Variants in RTF1 observed in about 807,000 individuals in gnomAD.
RTF1 encodes RTF1 homolog, Paf1/RNA polymerase II complex component, also known as RNA polymerase-associated protein RTF1 homolog.
RTF1 carries 10 observed loss-of-function variants against 95.7 expected under a neutral mutation model. That is an observed-to-expected ratio of 0.10 (90% CI 0.06 to 0.18). The LOEUF (loss-of-function observed/expected upper bound fraction) is 0.18, where lower values mean the gene tolerates loss of function less well. Ranked by LOEUF, RTF1 falls within the 10% of genes least tolerant of loss-of-function variation. RTF1 has a pLI of 1.00. For synonymous variants in RTF1, 305 were observed against 311.8 expected, an observed-to-expected ratio of 0.98 and a Z score of 0.23; for missense variants, 458 against 875.6, an observed-to-expected ratio of 0.52 and a Z score of 6.02.
intron 8 of RTF1, among the ~76,000 whole-genome samples, chr15:41,473,639 T>C (rs1312388695): frequency 6.6e-6 from 1 of 152,114 alleles, no homozygotes; most frequent in Non-Finnish European, 1.5e-5. Flanking sequence ...CAGAGCTCAT[T>C]GCAACCTTGA....
At chr15:41,453,719 TCAA>T (rs1257527456) in intron 3 of RTF1, among the ~76,000 whole-genome samples, 2 of 146,322 alleles carry the variant, frequency 1.4e-5, no homozygotes, top group African/African-American at 5.1e-5. Flanking sequence ...AGACCCTTTC[TCAA>T]CAACAACAAA....
intron 2 of RTF1, among the ~76,000 whole-genome samples, chr15:41,445,230 C>A (rs140228772): frequency 6.6e-6 from 1 of 152,130 alleles, no homozygotes; most frequent in African/African-American, 2.4e-5. Context: ...CCACTGCGCC[C>A]GGCCTCATGA....
At chr15:41,436,190 G>A (rs925953005) in intron 1 of RTF1, among the ~76,000 whole-genome samples, 3 of 150,764 alleles carry the variant, frequency 2.0e-5, no homozygotes, top group Admixed American at 6.7e-5. Flanking sequence ...AGTGGCTCAC[G>A]CCTGTAATCC....
chr15:41,456,301 A>G (rs180735354), intron 3 of RTF1, among the ~76,000 whole-genome samples: 1 of 151,038 alleles, frequency 6.6e-6, no homozygotes, highest in African/African-American at 2.4e-5. Flanking sequence ...CCTGGCTAAC[A>G]TGGTGAAACC....
chr15:41,445,779 G>A (rs1332903210), intron 2 of RTF1, among the ~76,000 whole-genome samples: 1 of 148,848 alleles, frequency 6.7e-6, no homozygotes, highest in Non-Finnish European at 1.5e-5. Flanking sequence ...TCTATCAAGA[G>A]GGCTGGAGTG....
chr15:41,446,811 T>A (rs117812573), intron 2 of RTF1, among the ~76,000 whole-genome samples: 3,582 of 151,812 alleles, frequency 0.024, 70 homozygotes, highest in Non-Finnish European at 0.037. Flanking sequence ...TTATTTTTTT[T>A]TTTTTTTTTG....
chr15:41,429,142 C>G (rs777332548), intron 1 of RTF1, among the ~76,000 whole-genome samples: 15 of 152,162 alleles, frequency 9.9e-5, no homozygotes, highest in Non-Finnish European at 2.1e-4. Flanking sequence ...ACCTTGGCCT[C>G]CCAAAGTACT....
Position 41,471,366 on chromosome 15 carries a change from T to C in RTF1, c.1203+17T>C, listed in dbSNP as rs75469130. The C allele has an allele frequency of 1.6e-3, 2,520 of 1,595,490 alleles. 37 individuals carry two copies. In the African/African-American group the frequency reaches 0.027, roughly 17 times the overall value. On this transcript the variant is annotated intron_variant, in intron 8 of 17. Coordinates refer to ENST00000389629, the MANE Select transcript of RTF1 (RefSeq NM_015138.5). ...GTTTACCGGGTTGGTATTTCTTCCC[T>C]TGGACAATTGTCCATGCTTTCAGTA...
intron 2 of RTF1, among the ~76,000 whole-genome samples, chr15:41,439,063 C>T (rs1296541987): frequency 6.9e-6 from 1 of 143,992 alleles, no homozygotes. Flanking sequence ...GACAGAGTCT[C>T]ACTCTGTCAC....
At chr15:41,435,066 T>G (rs1047663032) in intron 1 of RTF1, among the ~76,000 whole-genome samples, 1 of 151,996 alleles carries the variant, frequency 6.6e-6, no homozygotes, top group Non-Finnish European at 1.5e-5. Context: ...GTTCAAGCGA[T>G]TCTCCTGCCT....
chr15:41,417,641 T>C (rs1304685047), intron 1 of RTF1, among the ~76,000 whole-genome samples: 1 of 152,012 alleles, frequency 6.6e-6, no homozygotes, highest in Non-Finnish European at 1.5e-5. Flanking sequence ...GTCCAGGAGA[T>C]CCGGGCTGGG....
chr15:41,479,056 T>C (rs776108178), intron 15 of RTF1, 47 bp from the exon 16 acceptor site: 1 of 1,345,282 alleles, frequency 7.4e-7, no homozygotes. Flanking sequence ...GCAGTAGGAC[T>C]CTGTGAGTGT....
chr15:41,418,725 C>T (rs1203875838), intron 1 of RTF1, among the ~76,000 whole-genome samples: 1 of 145,338 alleles, frequency 6.9e-6, no homozygotes, highest in East Asian at 2.0e-4. Flanking sequence ...CAGGAGAATT[C>T]TTGAACCCGG....
intron 2 of RTF1, among the ~76,000 whole-genome samples, chr15:41,443,936 C>T (rs893501701): frequency 3.3e-5 from 5 of 151,494 alleles, no homozygotes; most frequent in African/African-American, 9.7e-5. Context: ...GGCGTGGTGG[C>T]GGGCGCCTGT....
chr15:41,456,206 G>T (rs2050814911), intron 3 of RTF1, among the ~76,000 whole-genome samples: 1 of 150,946 alleles, frequency 6.6e-6, no homozygotes, highest in Non-Finnish European at 1.5e-5. Flanking sequence ...AAAAAAAAAG[G>T]CTGGGCGCAG....
At chr15:41,464,923 A>C in intron 5 of RTF1, 38 bp downstream of exon 5, 1 of 1,487,178 alleles carries the variant, frequency 6.7e-7, no homozygotes, top group Non-Finnish European at 8.9e-7. Flanking sequence ...CAAAGAATAA[A>C]CCTGTTTTGA....
intron 2 of RTF1, among the ~76,000 whole-genome samples, chr15:41,444,786 A>C (rs1011471196): frequency 1.3e-5 from 2 of 152,142 alleles, no homozygotes; most frequent in Non-Finnish European, 2.9e-5. Context: ...CTTCTATAAC[A>C]CTTCCAACTT....
chr15:41,466,107 A>G, intron 5 of RTF1, 34 bp from the exon 6 acceptor site: 1 of 1,399,692 alleles, frequency 7.1e-7, no homozygotes, highest in East Asian at 2.5e-5. Context: ...GCTGTTGGTA[A>G]AAAGGGCCAT....
intron 4 of RTF1, among the ~76,000 whole-genome samples, chr15:41,463,749 T>A (rs138932551): frequency 6.6e-6 from 1 of 152,206 alleles, no homozygotes; most frequent in Admixed American, 6.5e-5. Context: ...CCCAAAGTAC[T>A]GGAATTACAG....
Sources: gnomAD v4.1 joint callset for allele counts (sites outside exome capture counted in the v4.1 genomes callset) on GRCh38, gnomAD v4.1.1 for gene constraint, MANE v1.5 for transcripts, NCBI Gene and HGNC (gene_info 2026-07-23, HGNC 2026-07-21) for gene names.